The following LGR5 variants were observed in gnomAD, a reference collection of about 807,000 sequenced individuals.
LGR5 encodes the protein leucine-rich repeat-containing G protein-coupled receptor 5.
LGR5 carries 54 observed loss-of-function variants against 76.7 expected under a neutral mutation model. The ratio of observed to expected loss-of-function variants is 0.70; its 90% CI spans 0.57 to 0.88. The LOEUF (loss-of-function observed/expected upper bound fraction) is 0.88, where lower values mean the gene tolerates loss of function less well. LGR5 is among the 40% of genes least tolerant of loss of function. The pLI, the probability that LGR5 is intolerant of heterozygous loss-of-function variation, is 0.00. For synonymous variants in LGR5, 406 were observed against 421.9 expected (o/e 0.96, Z 0.46); for missense variants, 1,078 against 1,073.3 (o/e 1.00, Z -0.06).
At chr12:71,477,309 C>T (rs185270359) in intron 1 of LGR5, among the ~76,000 whole-genome samples, 104 of 152,028 alleles carry the variant, frequency 6.8e-4, no homozygotes, top group African/African-American at 2.4e-3. Context: ...CCACACTAAA[C>T]GGTGCAAATG....
At chr12:71,548,025 G>A (rs139921416) in intron 4 of LGR5, among the ~76,000 whole-genome samples, 1 of 152,248 alleles carries the variant, frequency 6.6e-6, no homozygotes, top group East Asian at 1.9e-4. Flanking sequence ...CCGATATAGT[G>A]ATCACTTTTC....
intron 3 of LGR5, among the ~76,000 whole-genome samples, chr12:71,531,854 T>C (rs982485454): frequency 3.3e-5 from 5 of 151,932 alleles, no homozygotes; most frequent in South Asian, 4.2e-4. Context: ...GGCGACAGAG[T>C]GAGACCCTGT....
chr12:71,542,311 T>C (rs1332846092), intron 4 of LGR5, among the ~76,000 whole-genome samples: 1 of 152,174 alleles, frequency 6.6e-6, no homozygotes, highest in Non-Finnish European at 1.5e-5. Flanking sequence ...AAGCCTGGTA[T>C]ATCAAGAAAC....
intron 4 of LGR5, among the ~76,000 whole-genome samples, chr12:71,535,838 A>G (rs764359067): frequency 6.6e-6 from 1 of 152,122 alleles, no homozygotes; most frequent in Admixed American, 6.5e-5. Context: ...TGAATCCACA[A>G]CTTTTCCATC....
At chr12:71,498,738 A>G (rs1358446579) in intron 1 of LGR5, among the ~76,000 whole-genome samples, 1 of 152,242 alleles carries the variant, frequency 6.6e-6, no homozygotes, top group Non-Finnish European at 1.5e-5. Flanking sequence ...AATGTGCTGT[A>G]TTATGCTAAA....
chr12:71,497,548 T>C (rs1037351385), intron 1 of LGR5, among the ~76,000 whole-genome samples: 1 of 152,160 alleles, frequency 6.6e-6, no homozygotes, highest in African/African-American at 2.4e-5. Flanking sequence ...AATAATACTA[T>C]TCATACTATA....
intron 1 of LGR5, among the ~76,000 whole-genome samples, chr12:71,488,714 C>T (rs1873941424): frequency 6.6e-6 from 1 of 152,030 alleles, no homozygotes; most frequent in African/African-American, 2.4e-5. Context: ...TTGTAATTTC[C>T]CATTGGGGTT....
At chr12:71,462,119 T>C (rs769540547) in intron 1 of LGR5, among the ~76,000 whole-genome samples, 1 of 152,150 alleles carries the variant, frequency 6.6e-6, no homozygotes, top group African/African-American at 2.4e-5. Flanking sequence ...CTAAATTGAA[T>C]GCTGATCGTG....
intron 3 of LGR5, among the ~76,000 whole-genome samples, chr12:71,532,845 A>G (rs968939974): frequency 2.6e-5 from 4 of 151,314 alleles, no homozygotes; most frequent in African/African-American, 9.7e-5. Flanking sequence ...AGTAGGTAGG[A>G]CTATAAGTAC....
At chr12:71,553,016 T>C (rs556279077) in intron 4 of LGR5, 57 bp from the exon 5 acceptor site, 37 of 1,536,946 alleles carry the variant, frequency 2.4e-5, no homozygotes, top group Middle Eastern at 2.2e-4. Flanking sequence ...TCCTGCAAAG[T>C]TGACCTTCTG....
At chr12:71,477,555 T>A (rs904414293) in intron 1 of LGR5, among the ~76,000 whole-genome samples, 2 of 151,360 alleles carry the variant, frequency 1.3e-5, no homozygotes, top group African/African-American at 4.8e-5. Flanking sequence ...TAGAATAAAA[T>A]TTTTAAAAAG....
intron 12 of LGR5, 105 bp downstream of exon 12, chr12:71,571,684 T>A: frequency 1.3e-6 from 1 of 783,654 alleles, no homozygotes; most frequent in Non-Finnish European, 2.1e-6. Flanking sequence ...GGGAGACATG[T>A]GATCCTTTTC....
rs1879043949 is a variant in LGR5, at chr12:71,580,439, C to A, written c.1552+16C>A. 10 of 1,606,220 alleles carry A rather than the reference C, an allele frequency of 6.2e-6. No individual in the cohort carries two copies. In the East Asian group the frequency reaches 2.2e-4, roughly 36 times the overall value. On this transcript the variant is annotated intron_variant, in intron 16 of 17. Transcript: ENST00000266674. ...CAGGCTCAAGGTAGGACTTGCTATGCCATGGTAATGAAATTGTGTTGTGTT... is the reference window on the plus strand; with the variant it reads ...CAGGCTCAAGGTAGGACTTGCTATGACATGGTAATGAAATTGTGTTGTGTT...
chr12:71,485,768 CTT>C (rs560900401), intron 1 of LGR5, among the ~76,000 whole-genome samples: 56 of 140,922 alleles, frequency 4.0e-4, no homozygotes, highest in African/African-American at 3.9e-4. Context: ...ACACAATTAT[CTT>C]TTTTTTTTTT....
At chr12:71,526,488 A>G (rs1231850185) in intron 3 of LGR5, among the ~76,000 whole-genome samples, 1 of 152,208 alleles carries the variant, frequency 6.6e-6, no homozygotes, top group Non-Finnish European at 1.5e-5. Flanking sequence ...CCTACTAACC[A>G]ATGTTTCCTG....
At chr12:71,503,827 A>T (rs1874720025) in intron 1 of LGR5, among the ~76,000 whole-genome samples, 1 of 152,192 alleles carries the variant, frequency 6.6e-6, no homozygotes, top group African/African-American at 2.4e-5. Flanking sequence ...GGCCTCTGAG[A>T]TACAGAGGGC....
intron 1 of LGR5, among the ~76,000 whole-genome samples, chr12:71,479,743 T>C (rs55812651): frequency 0.089 from 13,599 of 151,984 alleles, 654 homozygotes; most frequent in Non-Finnish European, 0.11. Context: ...GAAGTTAATG[T>C]ACAGAAAAAT....
chr12:71,580,570 T>C, intron 16 of LGR5, 147 bp downstream of exon 16: 4 of 751,994 alleles, frequency 5.3e-6, no homozygotes, highest in East Asian at 2.7e-5. Flanking sequence ...CCGAGGCAGA[T>C]GGATCACTTG....
At chr12:71,537,382 T>A (rs1184847783) in intron 4 of LGR5, among the ~76,000 whole-genome samples, 2 of 151,948 alleles carry the variant, frequency 1.3e-5, no homozygotes, top group African/African-American at 2.4e-5. Flanking sequence ...AGCAGGAGGA[T>A]CACTTGGGCC....
Sources: gnomAD v4.1 joint callset for allele counts (sites outside exome capture counted in the v4.1 genomes callset) on GRCh38, gnomAD v4.1.1 for gene constraint, MANE v1.5 for transcripts, NCBI Gene and HGNC (gene_info 2026-07-23, HGNC 2026-07-21) for gene names.